PHKB: variants seen among roughly 807,000 people sequenced by gnomAD.
The protein encoded by PHKB is phosphorylase b kinase regulatory subunit beta.
In PHKB, 122 loss-of-function variants were observed where a neutral mutation model predicts 152.1. That is an observed-to-expected ratio of 0.80 (90% confidence interval 0.69 to 0.93). The LOEUF is 0.93. Ranked by LOEUF, PHKB falls within the 40% of genes least tolerant of loss-of-function variation. The pLI, the probability that PHKB is intolerant of heterozygous loss-of-function variation, is 0.00. For missense variants in PHKB, 1,304 were observed against 1,328.4 expected, an observed-to-expected ratio of 0.98 and a Z score of 0.29; for synonymous variants, 436 against 464.9, an observed-to-expected ratio of 0.94 and a Z score of 0.80.
At chr16:47,535,373 TG>T in intron 6 of PHKB, among the ~76,000 whole-genome samples, 1 of 152,334 alleles carries the variant, frequency 6.6e-6, no homozygotes, top group South Asian at 2.1e-4. Flanking sequence ...TTTACTTTAG[TG>T]AACATTCAGT....
intron 14 of PHKB, among the ~76,000 whole-genome samples, chr16:47,635,534 T>C (rs983300339): frequency 2.0e-5 from 3 of 152,182 alleles, no homozygotes; most frequent in Non-Finnish European, 2.9e-5. Context: ...TGGGGTCTTA[T>C]AGAGATAAGG....
At position 47,476,287 on chromosome 16, in the gene PHKB, C is replaced by T. The variant is rs926718767; in HGVS notation, c.76+14861C>T. Among the ~76,000 whole-genome samples the T allele has an allele frequency of 2.6e-5, 4 of 152,244 alleles. 1 individual carries two copies. Among genetic ancestry groups the T allele is most frequent in the East Asian group, 3.9e-4 (2 of 5,186 alleles). On this transcript the variant is annotated intron_variant, in intron 1 of 30. Coordinates refer to ENST00000323584, the MANE Select transcript of PHKB (RefSeq NM_000293.3). ...AATAAAAGCGTGTTTTCTTAACTTA[C>T]GTATTTCTAACAGAAATTATTTTAG... is the stretch of plus-strand genomic sequence containing the variant.
At chr16:47,527,266 A>G (rs148031144) in intron 6 of PHKB, among the ~76,000 whole-genome samples, 1 of 152,284 alleles carries the variant, frequency 6.6e-6, no homozygotes, top group African/African-American at 2.4e-5. Flanking sequence ...TAGATTTTAA[A>G]TGTTAGGAAA....
At chr16:47,518,645 G>A (rs934146090) in intron 6 of PHKB, among the ~76,000 whole-genome samples, 1 of 152,116 alleles carries the variant, frequency 6.6e-6, no homozygotes, top group Admixed American at 6.5e-5. Flanking sequence ...GTCTTGCTGT[G>A]TATATTGGTC....
chr16:47,683,653 GCTGT>G (rs1400334480), intron 26 of PHKB, among the ~76,000 whole-genome samples: 1 of 152,174 alleles, frequency 6.6e-6, no homozygotes, highest in Non-Finnish European at 1.5e-5. Flanking sequence ...TTTTCCAGGT[GCTGT>G]CTGTCACCCC....
chr16:47,588,739 A>G (rs1454897241), intron 9 of PHKB, among the ~76,000 whole-genome samples, 166 bp from the exon 10 acceptor site: 4 of 152,196 alleles, frequency 2.6e-5, no homozygotes, highest in Non-Finnish European at 4.4e-5. Context: ...CTCCTCTGTA[A>G]GGTTTCCTGG....
At chr16:47,630,262 A>G (rs940916756) in intron 14 of PHKB, among the ~76,000 whole-genome samples, 2 of 152,144 alleles carry the variant, frequency 1.3e-5, no homozygotes, top group Admixed American at 1.3e-4. Context: ...TGGGCAGATC[A>G]CCTGAGGTCA....
intron 20 of PHKB, among the ~76,000 whole-genome samples, chr16:47,653,441 T>C (rs1442352585): frequency 2.0e-5 from 3 of 152,202 alleles, no homozygotes; most frequent in Admixed American, 2.0e-4. Flanking sequence ...TCTTCCTATG[T>C]GGAGCGTCTG....
At chr16:47,693,059 A>AGCT (rs1974089913) in intron 27 of PHKB, among the ~76,000 whole-genome samples, 1 of 152,208 alleles carries the variant, frequency 6.6e-6, no homozygotes, top group South Asian at 2.1e-4. Context: ...TGAAATTCAC[A>AGCT]GCTGCTGCGT....
intron 1 of PHKB, among the ~76,000 whole-genome samples, chr16:47,495,549 T>TTA (rs1484183194): frequency 6.6e-6 from 1 of 152,218 alleles, no homozygotes; most frequent in Non-Finnish European, 1.5e-5. Flanking sequence ...CCTTTAATTT[T>TTA]TATATATACA....
chr16:47,656,172 C>G (rs1237941877), intron 20 of PHKB, among the ~76,000 whole-genome samples: 4 of 152,064 alleles, frequency 2.6e-5, no homozygotes, highest in Non-Finnish European at 5.9e-5. Flanking sequence ...CATGTGCCAC[C>G]ATGCCAGGGT....
At chr16:47,484,096 G>A (rs1200449944) in intron 1 of PHKB, among the ~76,000 whole-genome samples, 1 of 152,068 alleles carries the variant, frequency 6.6e-6, no homozygotes, top group Non-Finnish European at 1.5e-5. Flanking sequence ...AAATAAGAAA[G>A]GAAAATGAAA....
At chr16:47,525,319 A>G (rs1970747696) in intron 6 of PHKB, among the ~76,000 whole-genome samples, 2 of 152,200 alleles carry the variant, frequency 1.3e-5, no homozygotes, top group Admixed American at 1.3e-4. Context: ...ATTTTAGGAA[A>G]GGGGTGGCTT....
At chr16:47,599,856 GA>G (rs1972189682) in intron 13 of PHKB, among the ~76,000 whole-genome samples, 1 of 152,168 alleles carries the variant, frequency 6.6e-6, no homozygotes, top group South Asian at 2.1e-4. Flanking sequence ...TAACATCTCA[GA>G]AAATTGAATC....
chr16:47,528,002 A>G (rs968296397), intron 6 of PHKB, among the ~76,000 whole-genome samples: 2 of 152,220 alleles, frequency 1.3e-5, no homozygotes, highest in Non-Finnish European at 2.9e-5. Flanking sequence ...CACACGGACT[A>G]TGGTATTTTA....
In PHKB at chr16:47,629,880, T is replaced by C. The variant is rs2151720024; in HGVS notation, c.1459-11155T>C. Among the ~76,000 whole-genome samples the C allele has an allele frequency of 2.0e-5, 3 of 152,238 alleles. No individual in the cohort carries two copies. In the Middle Eastern group the frequency reaches 0.01, roughly 518 times the overall value. ...TGAGTTCATGTCCTTTGTAGGGACA[T>C]GGATGAAATTGGAAATCATCATTCT... On this transcript the variant is annotated intron_variant, in intron 14 of 30. Coordinates refer to ENST00000323584, the MANE Select transcript of PHKB (RefSeq NM_000293.3).
chr16:47,693,506 A>G lies in PHKB; in HGVS notation c.2894A>G (p.Gln965Arg). Residue 965 changes from glutamine (Q) to arginine (R), a missense_variant and splice_region_variant, in exon 28 of 31, where the codon CAG becomes CGG. Gln to Arg is a conservative substitution (Grantham distance 43). Transcript: ENST00000323584. ...ATTGTTGCTGGGAAGCATTTGCCTC[A>G]GGTAAAGCCCCACCATGTTCACATA... ...GIIVAGKHLP[Q>R]QPTLSDMTMY... The G allele has an allele frequency of 1.2e-6, 2 of 1,614,032 alleles. No individual in the cohort carries two copies. Among genetic ancestry groups the G allele is most frequent in the South Asian group, 1.1e-5 (1 of 91,074 alleles).
intron 27 of PHKB, 57 bp downstream of exon 27, chr16:47,689,232 T>A (rs1261018362): frequency 1.9e-6 from 3 of 1,553,002 alleles, no homozygotes; most frequent in African/African-American, 2.7e-5. Context: ...AACATCATAA[T>A]TTTTAGCTTG....
chr16:47,625,460 T>C (rs1444150411), intron 14 of PHKB, among the ~76,000 whole-genome samples: 1 of 152,120 alleles, frequency 6.6e-6, no homozygotes, highest in African/African-American at 2.4e-5. Context: ...TTGTCACTCT[T>C]TTGCTTGCCT....
Sources: allele counts gnomAD v4.1 joint callset (sites outside exome capture counted in the v4.1 genomes callset), GRCh38; gene constraint gnomAD v4.1.1; transcripts MANE v1.5; gene names NCBI Gene and HGNC (gene_info 2026-07-23, HGNC 2026-07-21).